Variants in NBEAL1 observed in about 807,000 individuals in gnomAD.
NBEAL1 encodes the protein neurobeachin-like protein 1.
A neutral mutation model predicts 351.3 loss-of-function variants in NBEAL1; 273 were observed. That is an observed-to-expected ratio of 0.78 (90% CI 0.70 to 0.86). The LOEUF is 0.86. NBEAL1 is among the 40% of genes least tolerant of loss of function. NBEAL1 has a pLI of 0.00. For synonymous variants in NBEAL1, 1,050 were observed against 1,086.4 expected (o/e 0.97, Z 0.66); for missense variants, 2,961 against 3,201.3 (o/e 0.92, Z 1.81).
At position 203,151,527 on chromosome 2, in the gene NBEAL1, A is replaced by AG; in HGVS notation, c.5526dup (p.Leu1843AlafsTer6). 1 of 1,611,244 alleles carries AG rather than the reference A, an allele frequency of 6.2e-7. No homozygotes were observed. On this transcript the variant is annotated frameshift_variant, in exon 35 of 56. Transcript: ENST00000683969. LOFTEE classifies it high-confidence loss of function. ...GAGAATTATTCCCGCATGAGACTTA[A>AG]GCTGGTACCGAATTATAATTTCAAA...
intron 37 of NBEAL1, among the ~76,000 whole-genome samples, chr2:203,166,857 A>T (rs1352221873): frequency 6.6e-6 from 1 of 152,042 alleles, no homozygotes; most frequent in Non-Finnish European, 1.5e-5. Flanking sequence ...ACCCAACCTA[A>T]TATAGTCTTC....
intron 10 of NBEAL1, among the ~76,000 whole-genome samples, chr2:203,096,263 G>A (rs370649982): frequency 6.6e-6 from 1 of 152,090 alleles, no homozygotes; most frequent in Non-Finnish European, 1.5e-5. Flanking sequence ...TGATTCCAAG[G>A]CCTGTAGTGT....
chr2:203,152,973 G>T (rs892691653), intron 35 of NBEAL1, among the ~76,000 whole-genome samples: 3 of 152,086 alleles, frequency 2.0e-5, no homozygotes, highest in Non-Finnish European at 4.4e-5. Flanking sequence ...GAGAGGCAGA[G>T]GTGGCAGTGA....
Position 203,138,048 on chromosome 2 carries a change from T to G in NBEAL1, c.4566-114T>G, listed in dbSNP as rs912113603. ...GTATCTTAGGGATACCTGCTAGAGA[T>G]AGTATATCTTTAGAGATACAGTGCT... On this transcript the variant is annotated intron_variant, in intron 29 of 55. Transcript: ENST00000683969. 28 of 918,362 alleles carry G rather than the reference T, an allele frequency of 3.0e-5. No individual in the cohort carries two copies. The Admixed American group carries it at 7.2e-4, about 24-fold the overall frequency. 56.9% of individuals were successfully genotyped at this position (918,362 alleles called of 1,614,324 possible).
chr2:203,040,839 G>A (rs2061128809), intron 2 of NBEAL1: 1 of 464,864 alleles, frequency 2.2e-6, no homozygotes, highest in South Asian at 1.8e-5. Flanking sequence ...TCCTCAAGGA[G>A]ATGGGCTCAC....
At chr2:203,071,649 T>C (rs1309427084) in intron 7 of NBEAL1, among the ~76,000 whole-genome samples, 1 of 152,184 alleles carries the variant, frequency 6.6e-6, no homozygotes, top group African/African-American at 2.4e-5. Flanking sequence ...AAATCTTATC[T>C]AAATATCTAA....
At chr2:203,209,442 T>C in intron 53 of NBEAL1, 120 bp downstream of exon 53, 2 of 756,582 alleles carry the variant, frequency 2.6e-6, no homozygotes, top group Non-Finnish European at 4.2e-6. Flanking sequence ...GATGTTTTTC[T>C]TTCATCATTC....
chr2:203,177,305 C>T (rs1261240539), intron 42 of NBEAL1, among the ~76,000 whole-genome samples: 1 of 150,080 alleles, frequency 6.7e-6, no homozygotes, highest in Non-Finnish European at 1.5e-5. Flanking sequence ...GAGGCTGAGG[C>T]ACAAGGATTG....
rs1212480014 is a variant in NBEAL1 at position 203,188,570 on chromosome 2, CTAT to C, written c.6809_6811del (p.Tyr2270del). ...CTGCAGTAGAGGCACTCAACGTTTT[CTAT>C]TATTGTAGTTATGAAGGTATAAATC... On this transcript the variant is annotated inframe_deletion, in exon 45 of 56. Transcript: ENST00000683969. The C allele has an allele frequency of 6.3e-7, 1 of 1,598,572 alleles. No homozygotes were observed. The highest frequency in any genetic ancestry group is 8.6e-7 in the Non-Finnish European group (1 of 1,169,474).
At chr2:203,018,401 G>GT (rs1247983062) in intron 2 of NBEAL1, among the ~76,000 whole-genome samples, 2 of 151,672 alleles carry the variant, frequency 1.3e-5, no homozygotes, top group Non-Finnish European at 2.9e-5. Flanking sequence ...TCGTAGTTTA[G>GT]TTTTGGCTCT....
At chr2:203,127,115 A>G (rs1377901111) in intron 23 of NBEAL1, among the ~76,000 whole-genome samples, 189 bp downstream of exon 23, 1 of 152,238 alleles carries the variant, frequency 6.6e-6, no homozygotes, top group African/African-American at 2.4e-5. Flanking sequence ...TCTGGCTTTC[A>G]TTAATTGTGC....
chr2:203,040,135 C>T, intron 2 of NBEAL1: 10 of 1,345,678 alleles, frequency 7.4e-6, no homozygotes, highest in Middle Eastern at 2.5e-4. Context: ...AAGAAAAATC[C>T]ATTTGGTTCC....
intron 46 of NBEAL1, among the ~76,000 whole-genome samples, chr2:203,192,259 T>C (rs982976439): frequency 5.9e-5 from 9 of 152,220 alleles, no homozygotes; most frequent in Non-Finnish European, 8.8e-5. Flanking sequence ...TGCTATCATA[T>C]TTTCACACCT....
At chr2:203,137,984 C>A (rs2063261918) in intron 29 of NBEAL1, among the ~76,000 whole-genome samples, 178 bp from the exon 30 acceptor site, 1 of 113,622 alleles carries the variant, frequency 8.8e-6, no homozygotes, top group Non-Finnish European at 2.1e-5. Context: ...TCTCTGCACT[C>A]CGTCTCAAAA....
intron 51 of NBEAL1, among the ~76,000 whole-genome samples, chr2:203,204,244 T>A (rs555540293): frequency 0.016 from 2,145 of 136,766 alleles, 39 homozygotes; most frequent in African/African-American, 0.048. Flanking sequence ...CTCTTTTTTT[T>A]AAAAAAAAAA....
At chr2:203,024,945 A>G (rs1330918849) in intron 2 of NBEAL1, among the ~76,000 whole-genome samples, 2 of 152,218 alleles carry the variant, frequency 1.3e-5, no homozygotes, top group African/African-American at 4.8e-5. Context: ...TGAAAAAGTT[A>G]AAAATGCAAG....
intron 10 of NBEAL1, among the ~76,000 whole-genome samples, chr2:203,094,441 A>G (rs2062134844): frequency 6.6e-6 from 1 of 152,190 alleles, no homozygotes; most frequent in South Asian, 2.1e-4. Flanking sequence ...CTTTTTATAT[A>G]GTAGTATAGA....
chr2:203,175,324 A>G (rs1383734454), intron 42 of NBEAL1, 37 bp downstream of exon 42: 8 of 1,607,140 alleles, frequency 5.0e-6, no homozygotes, highest in Non-Finnish European at 6.0e-6. Context: ...TTTTATGACT[A>G]TGTTAGTGTT....
chr2:203,080,929 C>T (rs1344173941), intron 8 of NBEAL1, among the ~76,000 whole-genome samples: 1 of 152,158 alleles, frequency 6.6e-6, no homozygotes, highest in Non-Finnish European at 1.5e-5. Flanking sequence ...ATTGGATCCT[C>T]TTCTCTTTTC....
Sources: gnomAD v4.1 joint callset for allele counts (sites outside exome capture counted in the v4.1 genomes callset) on GRCh38, gnomAD v4.1.1 for gene constraint, MANE v1.5 for transcripts, NCBI Gene and HGNC (gene_info 2026-07-23, HGNC 2026-07-21) for gene names.